NCOA2: variants seen among roughly 807,000 people sequenced by gnomAD.
NCOA2 encodes the protein class E basic helix-loop-helix protein 75.
NCOA2 carries 21 observed loss-of-function variants against 145.1 expected under a neutral mutation model. That is an observed-to-expected ratio of 0.14 (90% CI 0.10 to 0.21). NCOA2 has a LOEUF of 0.21. Ranked by LOEUF, NCOA2 falls within the 10% of genes least tolerant of loss-of-function variation. NCOA2 has a pLI of 1.00. For synonymous variants in NCOA2, 619 were observed against 637.5 expected (o/e 0.97, Z 0.44); for missense variants, 1,472 against 1,837.6 (o/e 0.80, Z 3.64).
Position 70,214,025 on chromosome 8 carries a change from A to G in NCOA2, c.137T>C (p.Ile46Thr). ...KRNREQENKY[I>T]EELAELIFAN... ...AAAAATCAACTCTGCAAGTTCTTCT[A>G]TATATTTATTTTCCTGTTCACGATT... The change falls in exon 4 of 23, where the codon ATA (isoleucine) becomes ACA (threonine). Residue 46 changes from isoleucine to threonine, a missense_variant. Physicochemically the swap from Ile to Thr is moderately conservative, Grantham distance 89. Around this residue, in one of 4 missense-constraint regions of NCOA2, gnomAD observed 284 missense variants for 467.8 expected, o/e 0.61. Coordinates refer to ENST00000452400, the MANE Select transcript of NCOA2 (RefSeq NM_006540.4). 1 of 1,611,256 alleles carries G rather than the reference A, an allele frequency of 6.2e-7. No individual in the cohort carries two copies. The highest frequency in any genetic ancestry group is 2.2e-5 in the East Asian group (1 of 44,816).
intron 11 of NCOA2, among the ~76,000 whole-genome samples, chr8:70,149,146 T>C (rs946407637): frequency 1.3e-5 from 2 of 151,978 alleles, no homozygotes; most frequent in African/African-American, 4.8e-5. Context: ...CCAGCTTAGG[T>C]AACAAAGGTA....
chr8:70,403,951 G>T (rs1814632342), upstream of NCOA2: 1 of 377,062 alleles, frequency 2.7e-6, no homozygotes, highest in Non-Finnish European at 4.7e-6. Context: ...GAGCCAGGCC[G>T]TCCCTCCCTC....
intron 9 of NCOA2, among the ~76,000 whole-genome samples, chr8:70,160,510 G>A (rs1263480087): frequency 6.6e-6 from 1 of 151,778 alleles, no homozygotes; most frequent in Non-Finnish European, 1.5e-5. Context: ...TAAAAAAAAA[G>A]ACATAGAATT....
intron 1 of NCOA2, among the ~76,000 whole-genome samples, chr8:70,324,335 T>G (rs971500047): frequency 4.0e-5 from 6 of 151,810 alleles, no homozygotes; most frequent in Admixed American, 1.3e-4. Context: ...AATATCTTTG[T>G]TTTTTTTAGG....
intron 4 of NCOA2, among the ~76,000 whole-genome samples, chr8:70,210,208 G>C (rs1818869822): frequency 6.6e-6 from 1 of 152,120 alleles, no homozygotes; most frequent in Non-Finnish European, 1.5e-5. Context: ...CCTATTCCAT[G>C]GTTTGTTTTG....
At chr8:70,412,067 G>A in the NCOA2 span, among the ~76,000 whole-genome samples, 1 of 152,158 alleles carries the variant, frequency 6.6e-6, no homozygotes, top group Admixed American at 6.5e-5. Flanking sequence ...CCTGAAGACA[G>A]GGATTATATT....
At chr8:70,213,794 C>T (rs1819302806) in intron 4 of NCOA2, 109 bp downstream of exon 4, 1 of 887,296 alleles carries the variant, frequency 1.1e-6, no homozygotes, top group Non-Finnish European at 1.7e-6. Flanking sequence ...ATTTCCTCAT[C>T]AATAATTTAA....
chr8:70,407,303 A>C (rs1425518186), upstream of NCOA2, among the ~76,000 whole-genome samples: 2 of 152,238 alleles, frequency 1.3e-5, no homozygotes, highest in Non-Finnish European at 2.9e-5. Context: ...GTCTAATATA[A>C]GTCAAGCATA....
chr8:70,438,177 T>A, the NCOA2 span, among the ~76,000 whole-genome samples: 1 of 152,236 alleles, frequency 6.6e-6, no homozygotes, highest in Non-Finnish European at 1.5e-5. Context: ...GAAAACAATT[T>A]AGGATTTAAA....
chr8:70,337,534 C>T (rs1190887291), intron 1 of NCOA2, among the ~76,000 whole-genome samples: 1 of 152,146 alleles, frequency 6.6e-6, no homozygotes, highest in African/African-American at 2.4e-5. Flanking sequence ...ACTTGTATAA[C>T]TCTACCATCT....
Position 70,148,273 on chromosome 8 carries a change from T to G in NCOA2, c.2605A>C (p.Thr869Pro), listed in dbSNP as rs544784399. 1.3e-5 allele frequency: 21 copies of G among 1,613,650 alleles called. 1 individual carries two copies. In the South Asian group the frequency reaches 2.3e-4, roughly 18 times the overall value. Residue 869 changes from threonine to proline, a missense_variant and splice_region_variant, in exon 12 of 23, where the codon ACT becomes CCT. By Grantham distance (38) the Thr-to-Pro change is conservative (BLOSUM62 -1). Coordinates refer to ENST00000452400, the MANE Select transcript of NCOA2 (RefSeq NM_006540.4). The stretch of plus-strand genomic sequence containing the variant: ...ATAACCAGCCATTTCTCATACTCAC[T>G]GCTCTGTGAAATTCGCAGTGCTGTT... ...QKTALRISQS[T>P]FNNPRPGQLG... is the part of the protein sequence containing the mutation.
At chr8:70,435,812 T>A in the NCOA2 span, among the ~76,000 whole-genome samples, 1 of 152,028 alleles carries the variant, frequency 6.6e-6, no homozygotes, top group Non-Finnish European at 1.5e-5. Context: ...TTGTGTTTAA[T>A]AATTTTGCTG....
chr8:70,141,504 C>A, intron 13 of NCOA2, 105 bp from the exon 14 acceptor site: 1 of 1,056,662 alleles, frequency 9.5e-7, no homozygotes, highest in South Asian at 1.4e-5. Flanking sequence ...TTCTGTAATT[C>A]ACACTTAGCC....
At chr8:70,194,673 C>G (rs1027159524) in intron 4 of NCOA2, among the ~76,000 whole-genome samples, 2 of 117,248 alleles carry the variant, frequency 1.7e-5, no homozygotes, top group African/African-American at 6.6e-5. Context: ...GCTCTTTTAT[C>G]TTCTTTTTTT....
At chr8:70,195,115 C>T (rs1466923527) in intron 4 of NCOA2, among the ~76,000 whole-genome samples, 4 of 152,176 alleles carry the variant, frequency 2.6e-5, no homozygotes, top group African/African-American at 9.6e-5. Flanking sequence ...TATGAAAGAG[C>T]AGTGCCTGGC....
chr8:70,160,846 T>C (rs751909747), intron 9 of NCOA2, among the ~76,000 whole-genome samples: 4 of 152,252 alleles, frequency 2.6e-5, no homozygotes, highest in African/African-American at 7.2e-5. Flanking sequence ...TAGTCTGAAG[T>C]GGAAGTACTG....
chr8:70,118,684 G>T (rs562928010), intron 22 of NCOA2, among the ~76,000 whole-genome samples: 2 of 151,114 alleles, frequency 1.3e-5, no homozygotes, highest in East Asian at 3.9e-4. Context: ...TCTACTGGGG[G>T]AGGATTTTTT....
chr8:70,383,197 G>C (rs1292744111), intron 1 of NCOA2, among the ~76,000 whole-genome samples: 1 of 152,170 alleles, frequency 6.6e-6, no homozygotes, highest in South Asian at 2.1e-4. Context: ...ATGAAGGCCA[G>C]GGCTAGATAG....
At chr8:70,378,743 T>TAA (rs10672044) in intron 1 of NCOA2, among the ~76,000 whole-genome samples, 18,924 of 109,538 alleles carry the variant, frequency 0.17, 1,863 homozygotes, top group East Asian at 0.47. Flanking sequence ...TAGGCTATGC[T>TAA]AAAAAAAAAA....
Sources: allele counts gnomAD v4.1 joint callset (sites outside exome capture counted in the v4.1 genomes callset), GRCh38; gene constraint gnomAD v4.1.1; regional missense constraint gnomAD v4.1.1; transcripts MANE v1.5; gene names NCBI Gene and HGNC (gene_info 2026-07-23, HGNC 2026-07-21).